Variants in HS3ST5 observed in about 807,000 individuals in gnomAD.
HS3ST5 encodes heparan sulfate-glucosamine 3-sulfotransferase 5, also known as heparan sulfate glucosamine 3-O-sulfotransferase 5.
HS3ST5 carries 10 observed loss-of-function variants against 25.4 expected under a neutral mutation model. That is an observed-to-expected ratio of 0.39 (90% CI 0.24 to 0.67). The LOEUF (loss-of-function observed/expected upper bound fraction) is 0.67. Among genes scored for constraint, HS3ST5 ranks in the 30% least tolerant of loss-of-function variants. The probability of loss-of-function intolerance (pLI) is 0.44; values close to 1 mark genes in which losing one functional copy is unlikely to be tolerated. For synonymous variants in HS3ST5, 170 were observed against 162.4 expected, an observed-to-expected ratio of 1.05 and a Z score of -0.36; for missense variants, 324 against 420.7, an observed-to-expected ratio of 0.77 and a Z score of 2.01.
At chr6:114,181,850 T>G (rs1184135198) in intron 2 of HS3ST5, among the ~76,000 whole-genome samples, 1 of 151,794 alleles carries the variant, frequency 6.6e-6, no homozygotes, top group Non-Finnish European at 1.5e-5. Context: ...ATATTCTTTT[T>G]TCAGGGAACT....
chr6:114,093,969 A>C (rs1404105751), intron 3 of HS3ST5, among the ~76,000 whole-genome samples: 1 of 152,206 alleles, frequency 6.6e-6, no homozygotes, highest in Non-Finnish European at 1.5e-5. Context: ...TTTATATATA[A>C]TAAAAATTCA....
chr6:114,160,756 A>G (rs561964466), intron 3 of HS3ST5, among the ~76,000 whole-genome samples: 6 of 152,284 alleles, frequency 3.9e-5, no homozygotes, highest in Admixed American at 2.0e-4. Flanking sequence ...ACCTGTTATT[A>G]AAAACTGAAC....
At chr6:114,067,629 G>T (rs1028774064) in intron 3 of HS3ST5, among the ~76,000 whole-genome samples, 2 of 152,132 alleles carry the variant, frequency 1.3e-5, no homozygotes, top group African/African-American at 4.8e-5. Context: ...GCCTACTGAG[G>T]TTTTTCTCTC....
chr6:114,137,732 T>C (rs1214282797), intron 3 of HS3ST5, among the ~76,000 whole-genome samples: 1 of 152,134 alleles, frequency 6.6e-6, no homozygotes, highest in Non-Finnish European at 1.5e-5. Flanking sequence ...GAGCTCCCCT[T>C]CTTTGCCTGC....
intron 3 of HS3ST5, among the ~76,000 whole-genome samples, chr6:114,078,213 C>CT (rs939278450): frequency 9.3e-5 from 14 of 151,022 alleles, no homozygotes; most frequent in African/African-American, 3.4e-4. Flanking sequence ...TTTTCTTTTT[C>CT]TTTTTTTTTC....
chr6:114,314,471 C>T (rs1775668841), intron 1 of HS3ST5, among the ~76,000 whole-genome samples: 1 of 152,140 alleles, frequency 6.6e-6, no homozygotes, highest in Non-Finnish European at 1.5e-5. Context: ...CATATATATG[C>T]CTCTCAATTT....
intron 1 of HS3ST5, among the ~76,000 whole-genome samples, chr6:114,341,742 T>C (rs770015828): frequency 6.6e-6 from 1 of 152,064 alleles, no homozygotes; most frequent in Non-Finnish European, 1.5e-5. Context: ...TGTCCTCTGC[T>C]GGGGCCTCGC....
At chr6:114,330,980 T>A (rs1319293764) in intron 1 of HS3ST5, among the ~76,000 whole-genome samples, 1 of 152,226 alleles carries the variant, frequency 6.6e-6, no homozygotes, top group Non-Finnish European at 1.5e-5. Flanking sequence ...CCCTTTCAAT[T>A]TCAAAAGTCT....
chr6:114,087,660 T>A (rs551723785), intron 3 of HS3ST5, among the ~76,000 whole-genome samples: 23 of 152,338 alleles, frequency 1.5e-4, no homozygotes, highest in African/African-American at 4.3e-4. Flanking sequence ...TCTATTTTTT[T>A]AAATGTATGA....
chr6:114,100,736 G>C (rs1173442809), intron 3 of HS3ST5, among the ~76,000 whole-genome samples: 3 of 152,168 alleles, frequency 2.0e-5, no homozygotes, highest in Non-Finnish European at 4.4e-5. Context: ...GAAGGTGACA[G>C]TTGTTCTAAG....
At chr6:114,227,338 C>T (rs1771348545) in intron 2 of HS3ST5, among the ~76,000 whole-genome samples, 1 of 150,124 alleles carries the variant, frequency 6.7e-6, no homozygotes, top group Non-Finnish European at 1.5e-5. Context: ...CTAATAGAGA[C>T]AAAAAATGTC....
chr6:114,273,296 C>G (rs1025257669), intron 1 of HS3ST5, among the ~76,000 whole-genome samples: 2 of 152,014 alleles, frequency 1.3e-5, no homozygotes, highest in African/African-American at 4.8e-5. Flanking sequence ...CTATTACCAT[C>G]TACTGAGATG....
At chr6:114,099,476 G>A (rs1186212696) in intron 3 of HS3ST5, among the ~76,000 whole-genome samples, 1 of 151,990 alleles carries the variant, frequency 6.6e-6, no homozygotes, top group Non-Finnish European at 1.5e-5. Context: ...CTTTAATCTG[G>A]AGCACAAGGC....
At chr6:114,235,199 T>C (rs1162408065) in intron 1 of HS3ST5, among the ~76,000 whole-genome samples, 1 of 152,180 alleles carries the variant, frequency 6.6e-6, no homozygotes, top group African/African-American at 2.4e-5. Flanking sequence ...CTCATTTATA[T>C]ATACTTTACA....
chr6:114,280,123 A>G (rs988561835), intron 1 of HS3ST5, among the ~76,000 whole-genome samples: 1 of 151,674 alleles, frequency 6.6e-6, no homozygotes, highest in Non-Finnish European at 1.5e-5. Context: ...TCCAGGATAA[A>G]GATGTGTGAG....
At chr6:114,259,321 C>T (rs2114660907) in intron 1 of HS3ST5, among the ~76,000 whole-genome samples, 1 of 152,302 alleles carries the variant, frequency 6.6e-6, no homozygotes, top group East Asian at 1.9e-4. Context: ...TTCCAACAAT[C>T]TCTTCCTCTA....
intron 2 of HS3ST5, among the ~76,000 whole-genome samples, chr6:114,209,103 C>G (rs1781400888): frequency 6.6e-6 from 1 of 152,050 alleles, no homozygotes; most frequent in Non-Finnish European, 1.5e-5. Flanking sequence ...GGAATCTGGG[C>G]TGTACAGGTT....
chr6:114,248,576 AAT>A (rs1772495423), intron 1 of HS3ST5, among the ~76,000 whole-genome samples: 1 of 152,156 alleles, frequency 6.6e-6, no homozygotes, highest in African/African-American at 2.4e-5. Flanking sequence ...GCTGCTATAC[AAT>A]TACTTCCTTT....
intron 1 of HS3ST5, among the ~76,000 whole-genome samples, chr6:114,300,970 A>G (rs1396013018): frequency 2.0e-5 from 3 of 152,212 alleles, no homozygotes; most frequent in Non-Finnish European, 2.9e-5. Flanking sequence ...GACAGAAAGT[A>G]GATTAGTAGT....
Sources: gnomAD v4.1 joint callset for allele counts (sites outside exome capture counted in the v4.1 genomes callset) on GRCh38, gnomAD v4.1.1 for gene constraint, MANE v1.5 for transcripts, NCBI Gene and HGNC (gene_info 2026-07-23, HGNC 2026-07-21) for gene names.